The following CACNA1G variants were observed in gnomAD, a reference collection of about 807,000 sequenced individuals.
CACNA1G encodes the protein calcium voltage-gated channel subunit alpha1 G.
Under a neutral mutation model 219.4 loss-of-function variants are expected in CACNA1G, and 67 were observed. The ratio of observed to expected loss-of-function variants is 0.31; its 90% CI spans 0.25 to 0.37. The LOEUF (loss-of-function observed/expected upper bound fraction) is 0.37. Ranked by LOEUF, CACNA1G falls within the 10% of genes least tolerant of loss-of-function variation. The probability of loss-of-function intolerance (pLI) is 1.00; values close to 1 mark genes in which losing one functional copy is unlikely to be tolerated. For missense variants in CACNA1G, 2,380 were observed against 3,231.4 expected, an observed-to-expected ratio of 0.74 and a Z score of 6.39; for synonymous variants, 1,296 against 1,345.3, an observed-to-expected ratio of 0.96 and a Z score of 0.80.
At chr17:50,566,628 C>T (rs1422990753) in intron 1 of CACNA1G, among the ~76,000 whole-genome samples, 3 of 152,236 alleles carry the variant, frequency 2.0e-5, no homozygotes, top group Non-Finnish European at 4.4e-5. Context: ...AGCAGTTCAC[C>T]TCTGTCAAGG....
chr17:50,598,041 T>G (rs903374208), intron 16 of CACNA1G, among the ~76,000 whole-genome samples: 3 of 152,262 alleles, frequency 2.0e-5, no homozygotes, highest in Non-Finnish European at 4.4e-5. Flanking sequence ...CTTTCTTTCT[T>G]TCTTTTCCTT....
At chr17:50,609,976 G>T (rs1257774999) in intron 26 of CACNA1G, 41 bp downstream of exon 26, 3 of 1,568,274 alleles carry the variant, frequency 1.9e-6, no homozygotes, top group Non-Finnish European at 2.6e-6. Context: ...GTGGGGACAT[G>T]CTCTTCACTC....
chr17:50,565,346 G>A (rs2037424054), intron 1 of CACNA1G, among the ~76,000 whole-genome samples: 1 of 148,938 alleles, frequency 6.7e-6, no homozygotes, highest in Admixed American at 6.6e-5. Context: ...CTGAAGCGTG[G>A]TGAGGGGGGA....
intron 5 of CACNA1G, 39 bp from the exon 6 acceptor site, chr17:50,572,515 C>T: frequency 1.4e-6 from 2 of 1,478,396 alleles, no homozygotes; most frequent in Non-Finnish European, 1.8e-6. Flanking sequence ...GGAGAGCCCA[C>T]TCCCCAGTCT....
At chr17:50,607,397 G>A (rs2048173519) in intron 24 of CACNA1G, 1 of 353,372 alleles carries the variant, frequency 2.8e-6, no homozygotes, top group African/African-American at 2.1e-5. Context: ...CCCAGCTGAG[G>A]TGGGAGGATC....
chr17:50,587,272 C>T (rs540854798), intron 9 of CACNA1G, among the ~76,000 whole-genome samples: 18 of 152,270 alleles, frequency 1.2e-4, no homozygotes, highest in African/African-American at 4.1e-4. Context: ...GCACCACACC[C>T]CTCGGAGCCT....
At position 50,617,380 on chromosome 17, in the gene CACNA1G, C is replaced by G. The variant is rs1726730147; in HGVS notation, c.5022-58C>G. On this transcript the variant is annotated intron_variant, in intron 28 of 37. Transcript: ENST00000359106. This position sits in a 1 kb window ranked among gnomAD's most constrained non-coding sequence, Gnocchi z 5.8. The stretch of plus-strand genomic sequence containing the variant: ...GCCCTGTCTTTCTGTGCCACGACTG[C>G]CCCCTCCTTCAGGAACCCCCTCCCC... 1 of 1,560,514 alleles carries G rather than the reference C, an allele frequency of 6.4e-7. No homozygotes were observed. Among genetic ancestry groups the G allele is most frequent in the African/African-American group, 1.4e-5 (1 of 73,754 alleles).
intron 19 of CACNA1G, 141 bp downstream of exon 19, chr17:50,601,315 C>G: frequency 1.9e-6 from 2 of 1,028,766 alleles, no homozygotes; most frequent in East Asian, 2.6e-5. Flanking sequence ...CTTTAGGTCT[C>G]TCACCAGATC....
intron 9 of CACNA1G, among the ~76,000 whole-genome samples, chr17:50,588,563 TC>T (rs1185485838): frequency 2.0e-5 from 3 of 152,144 alleles, no homozygotes; most frequent in South Asian, 4.1e-4. Flanking sequence ...CCGCCCCACC[TC>T]CTGTACTGTG....
At chr17:50,624,108 C>G (rs909058560) in intron 36 of CACNA1G, 33 bp downstream of exon 36, 2 of 1,598,064 alleles carry the variant, frequency 1.3e-6, no homozygotes, top group African/African-American at 1.3e-5. Context: ...ATTTGGCTCA[C>G]ACAGGGAGAT....
At chr17:50,579,841 G>A (rs1422346386) in intron 9 of CACNA1G, among the ~76,000 whole-genome samples, 4 of 152,178 alleles carry the variant, frequency 2.6e-5, no homozygotes, top group Non-Finnish European at 5.9e-5. Context: ...TACAGGCAGG[G>A]TGGTACAGGC....
rs528237932 is a variant in CACNA1G at position 50,599,806 on chromosome 17, C to A, written c.3637C>A (p.Arg1213=). The A allele has an allele frequency of 6.2e-7, 1 of 1,611,968 alleles. No individual in the cohort carries two copies. Among genetic ancestry groups the A allele is most frequent in the East Asian group, 2.2e-5 (1 of 44,876 alleles). The part of the protein sequence containing the change: ...SASGRLARAL[R]PDDPPLDGDD... ...TTCAGGGCGCCTGGCCCGGGCCCTGCGGCCTGATGACCCCCCACTGGATGG... is the reference window on the plus strand; with the variant it reads ...TTCAGGGCGCCTGGCCCGGGCCCTGAGGCCTGATGACCCCCCACTGGATGG... The change falls in exon 17 of 38, where the codon CGG becomes AGG. Residue 1213 remains arginine (R), a synonymous_variant. Transcript: ENST00000359106.
chr17:50,563,994 G>A (rs567273238), intron 1 of CACNA1G, among the ~76,000 whole-genome samples: 3 of 152,192 alleles, frequency 2.0e-5, no homozygotes, highest in Admixed American at 6.5e-5. Flanking sequence ...GAGCCGGAGG[G>A]ACATAAGGAC....
chr17:50,592,553 A>G (rs1306204785), intron 13 of CACNA1G, among the ~76,000 whole-genome samples: 1 of 152,218 alleles, frequency 6.6e-6, no homozygotes, highest in African/African-American at 2.4e-5. Flanking sequence ...TGAGCTGCCC[A>G]GGGTGAGAAA....
At position 50,606,914 on chromosome 17, in the gene CACNA1G, G is replaced by T. The variant is rs2048086358; in HGVS notation, c.4437G>T (p.Leu1479=). 1 of 1,613,694 alleles carries T rather than the reference G, an allele frequency of 6.2e-7. No homozygotes were observed. Among genetic ancestry groups the T allele is most frequent in the Non-Finnish European group, 8.5e-7 (1 of 1,179,612 alleles). The change falls in exon 24 of 38, where the codon CTG becomes CTT. Residue 1479 remains leucine (L), a synonymous_variant. Transcript: ENST00000359106. ...FDNLGQALMS[L]FVLASKDGWV... Reference sequence around the variant, plus strand: ...CTCCCCATCAGGCCCTGATGTCCCTGTTCGTTTTGGCCTCCAAGGATGGTT... The same window carrying T: ...CTCCCCATCAGGCCCTGATGTCCCTTTTCGTTTTGGCCTCCAAGGATGGTT...
chr17:50,602,929 G>C, intron 20 of CACNA1G, 41 bp downstream of exon 20: 7 of 1,612,916 alleles, frequency 4.3e-6, no homozygotes, highest in Non-Finnish European at 5.9e-6. Flanking sequence ...CTGGTTCCTG[G>C]TGGGGGTGGA....
intron 26 of CACNA1G, among the ~76,000 whole-genome samples, chr17:50,610,457 T>A (rs2048965927): frequency 6.6e-6 from 1 of 152,172 alleles, no homozygotes; most frequent in Non-Finnish European, 1.5e-5. Flanking sequence ...AAGGCCTGAG[T>A]TGGCCACGAG....
Position 50,594,848 on chromosome 17 carries a change from C to G in CACNA1G, c.2911-145C>G, listed in dbSNP as rs915213539. On this transcript the variant is annotated intron_variant, in intron 13 of 37. Transcript: ENST00000359106. Reference sequence around the variant, plus strand: ...GGAAGGCTGTTCTGTCCCCTCTCTGCCCCCCCATTCCCCGTGTCTCTCAGT... The same window carrying G: ...GGAAGGCTGTTCTGTCCCCTCTCTGGCCCCCCATTCCCCGTGTCTCTCAGT... 2.6e-5 allele frequency: 16 copies of G among 617,512 alleles called. No homozygotes were observed. The Admixed American group carries it at 3.9e-4, about 15-fold the overall frequency. The allele number at this position is 617,512 out of a possible 1,614,324, so 38.3% of individuals were successfully genotyped here. A position where few individuals can be genotyped will look rare whatever the true frequency, so the allele number is the denominator to read the frequency against.
chr17:50,581,437 AGAG>A (rs1443192305), intron 9 of CACNA1G, among the ~76,000 whole-genome samples: 1 of 151,990 alleles, frequency 6.6e-6, no homozygotes, highest in Non-Finnish European at 1.5e-5. Flanking sequence ...GTGCTTTGCC[AGAG>A]GAGGAGTCCC....
Sources: gnomAD v4.1 joint callset for allele counts (sites outside exome capture counted in the v4.1 genomes callset) on GRCh38, gnomAD v4.1.1 for gene constraint, Gnocchi (gnomAD v3.1) non-coding constraint, MANE v1.5 for transcripts, NCBI Gene and HGNC (gene_info 2026-07-23, HGNC 2026-07-21) for gene names.